NAV2: variants seen among roughly 807,000 people sequenced by gnomAD.
NAV2 encodes helicase, APC down-regulated 1.
Under a neutral mutation model 223.2 loss-of-function variants are expected in NAV2, and 54 were observed. The ratio of observed to expected loss-of-function variants is 0.24; its 90% CI spans 0.19 to 0.30. The LOEUF (loss-of-function observed/expected upper bound fraction) is 0.30. Among genes scored for constraint, NAV2 ranks in the 10% least tolerant of loss-of-function variants. The pLI is 1.00. For missense variants in NAV2, 2,806 were observed against 3,147.5 expected, an observed-to-expected ratio of 0.89 and a Z score of 2.60; for synonymous variants, 1,279 against 1,239.3, an observed-to-expected ratio of 1.03 and a Z score of -0.67.
intron 1 of NAV2, among the ~76,000 whole-genome samples, chr11:19,694,725 G>C (rs1320088191): frequency 6.6e-6 from 1 of 152,152 alleles, no homozygotes; most frequent in Admixed American, 6.5e-5. Flanking sequence ...GAGCCAGCTT[G>C]GTTCATGCAG....
At chr11:19,762,055 T>C (rs924191044) in intron 1 of NAV2, among the ~76,000 whole-genome samples, 1 of 152,092 alleles carries the variant, frequency 6.6e-6, no homozygotes, top group Non-Finnish European at 1.5e-5. Context: ...CTAGCCTGGC[T>C]AACATGGTGA....
upstream of NAV2, among the ~76,000 whole-genome samples, chr11:19,346,043 CTG>C (rs2133661280): frequency 1.3e-5 from 2 of 152,176 alleles, no homozygotes; most frequent in South Asian, 4.2e-4. Flanking sequence ...GTCCTCCTCT[CTG>C]TGTGCTAGTC....
intron 1 of NAV2, among the ~76,000 whole-genome samples, chr11:19,404,454 T>C (rs1849811090): frequency 6.6e-6 from 1 of 152,176 alleles, no homozygotes; most frequent in Non-Finnish European, 1.5e-5. Flanking sequence ...TGAATTGAGT[T>C]GTGGGTGGGA....
intron 1 of NAV2, among the ~76,000 whole-genome samples, chr11:19,573,382 C>T (rs1406864520): frequency 1.3e-5 from 2 of 152,132 alleles, no homozygotes; most frequent in Non-Finnish European, 2.9e-5. Flanking sequence ...TCTTTGAAGT[C>T]AGGGATTTTG....
chr11:19,739,411 C>T (rs79271968), intron 1 of NAV2, among the ~76,000 whole-genome samples: 30 of 152,248 alleles, frequency 2.0e-4, no homozygotes, highest in African/African-American at 7.0e-4. Flanking sequence ...CAAGGTCACA[C>T]AGGAAATGAC....
rs57566081 is a variant in NAV2, at chr11:19,397,418, T to TGTGTGTGTGTGTGTGTGCGCGC, written c.75+46392_75+46393insTGTGTGTGTGTGTGTGCGCGCG. ...GGGAGTGTGTGTGTGTGTGTGTGTG[T>TGTGTGTGTGTGTGTGTGCGCGC]GCGCGCATGTGTGTGTAGGGAATAC... On this transcript the variant is annotated intron_variant, in intron 1 of 37. Transcript: ENST00000360655. 2.0e-3 allele frequency among the ~76,000 whole-genome samples: 285 copies of TGTGTGTGTGTGTGTGTGCGCGC among 145,348 alleles called. 2 individuals carry two copies. The highest frequency in any genetic ancestry group is 6.3e-3 in the African/African-American group (243 of 38,634).
chr11:19,665,384 T>C (rs2048383990), intron 1 of NAV2, among the ~76,000 whole-genome samples: 1 of 152,182 alleles, frequency 6.6e-6, no homozygotes, highest in African/African-American at 2.4e-5. Context: ...AGATGGTGCA[T>C]GGATGAGGGG....
At position 20,120,727 on chromosome 11, in the gene NAV2, C is replaced by T. The variant is rs2063432982; in HGVS notation, c.*2469C>T. The T allele has an allele frequency of 6.6e-6, 1 of 152,472 alleles. No individual in the cohort carries two copies. The highest frequency in any genetic ancestry group is 2.4e-5 in the African/African-American group (1 of 41,446). The allele number at this position is 152,472 out of a possible 1,614,324, so 9.4% of individuals were successfully genotyped here. A position where few individuals can be genotyped will look rare whatever the true frequency, so the allele number is the denominator to read the frequency against. On this transcript the variant is annotated 3_prime_UTR_variant, in exon 38 of 38. Coordinates refer to ENST00000349880, the MANE Select transcript of NAV2 (RefSeq NM_145117.5). Reference sequence around the variant, plus strand: ...ATTGGTGAACATTGACTTCAAGTAGCATAGCCCTTGTGTGACTCACAACTC... The same window carrying T: ...ATTGGTGAACATTGACTTCAAGTAGTATAGCCCTTGTGTGACTCACAACTC...
chr11:19,624,825 A>G (rs1375587376), intron 1 of NAV2, among the ~76,000 whole-genome samples: 1 of 152,186 alleles, frequency 6.6e-6, no homozygotes, highest in Admixed American at 6.5e-5. Flanking sequence ...AAATGCAGAA[A>G]TCACCAGTCT....
intron 11 of NAV2, chr11:20,023,233 T>C: frequency 2.3e-6 from 2 of 877,082 alleles, no homozygotes; most frequent in Non-Finnish European, 3.2e-6. Flanking sequence ...TGGAGCAGCC[T>C]GTGGTGCAGC....
intron 3 of NAV2, among the ~76,000 whole-genome samples, chr11:19,854,250 T>C (rs1004582057): frequency 6.6e-6 from 1 of 152,128 alleles, no homozygotes; most frequent in Admixed American, 6.5e-5. Context: ...TGCCGTGAAG[T>C]GGAACTTAGC....
chr11:19,892,196 C>T (rs115421627), intron 5 of NAV2, among the ~76,000 whole-genome samples: 2 of 152,206 alleles, frequency 1.3e-5, no homozygotes, highest in Non-Finnish European at 2.9e-5. Context: ...AAACATATTT[C>T]TTCATCAAAA....
chr11:20,034,365 T>TG (rs1564888941), intron 11 of NAV2, among the ~76,000 whole-genome samples: 2 of 123,294 alleles, frequency 1.6e-5, no homozygotes, highest in Non-Finnish European at 1.8e-5. Flanking sequence ...TTTTTTTGTT[T>TG]TTTTTTTTTT....
At chr11:19,608,366 A>G (rs1359362994) in intron 1 of NAV2, among the ~76,000 whole-genome samples, 6 of 152,240 alleles carry the variant, frequency 3.9e-5, no homozygotes, top group South Asian at 4.1e-4. Context: ...AGATGCCACT[A>G]TGAAAAGAAA....
chr11:19,920,714 C>A (rs550323528), intron 6 of NAV2, among the ~76,000 whole-genome samples: 1 of 152,296 alleles, frequency 6.6e-6, no homozygotes, highest in South Asian at 2.1e-4. Flanking sequence ...CTCAAGATTA[C>A]CAAGCCTTTA....
chr11:19,704,354 G>A (rs980705114), intron 1 of NAV2, among the ~76,000 whole-genome samples: 4 of 152,102 alleles, frequency 2.6e-5, no homozygotes, highest in South Asian at 4.2e-4. Context: ...GATCTTAACC[G>A]TATCAGAAAC....
At chr11:19,416,311 A>G (rs1347211173) in intron 1 of NAV2, among the ~76,000 whole-genome samples, 8 of 152,210 alleles carry the variant, frequency 5.3e-5, no homozygotes. Context: ...ATAGACAAAC[A>G]GAGAGCCAAA....
Position 19,933,950 on chromosome 11 carries a change from T to A in NAV2, c.1706T>A (p.Met569Lys). ...PSHSGIPKPG[M>K]KSMPGKSPSA... ...CACAGTGGAATACCAAAACCAGGAA[T>A]GAAAAGCATGCCCGGGAAATCCCCA... Residue 569 changes from methionine to lysine, a missense_variant, in exon 7 of 38, where the codon ATG becomes AAG. Physicochemically the swap from Met to Lys is moderately conservative, Grantham distance 95. Transcript: ENST00000349880. The surrounding 1 kb of genome is among the most constrained non-coding windows in gnomAD (Gnocchi z 4.3). The A allele has an allele frequency of 1.9e-6, 3 of 1,596,906 alleles. No homozygotes were observed. Among genetic ancestry groups the A allele is most frequent in the Non-Finnish European group, 2.6e-6 (3 of 1,173,420 alleles).
At chr11:20,106,184 TA>T in intron 35 of NAV2, among the ~76,000 whole-genome samples, 2 of 24,494 alleles carry the variant, frequency 8.2e-5, no homozygotes, top group African/African-American at 8.4e-4. Context: ...TATGTGTGTG[TA>T]TATATATATA....
Sources: gnomAD v4.1 joint callset for allele counts (sites outside exome capture counted in the v4.1 genomes callset) on GRCh38, gnomAD v4.1.1 for gene constraint, Gnocchi (gnomAD v3.1) non-coding constraint, MANE v1.5 for transcripts, NCBI Gene and HGNC (gene_info 2026-07-23, HGNC 2026-07-21) for gene names.